The following EYS variants were observed in gnomAD, a reference collection of about 807,000 sequenced individuals.
EYS encodes the protein protein eyes shut homolog.
A neutral mutation model predicts 282.1 loss-of-function variants in EYS; 250 were observed. The ratio of observed to expected loss-of-function variants is 0.89; its 90% CI spans 0.80 to 0.98. The LOEUF (loss-of-function observed/expected upper bound fraction) is 0.98. Among genes scored for constraint, EYS ranks in the 50% least tolerant of loss-of-function variants. The probability of loss-of-function intolerance (pLI) is 0.00; values close to 1 mark genes in which losing one functional copy is unlikely to be tolerated. For missense variants in EYS, 4,016 were observed against 3,709.0 expected (o/e 1.08, Z -2.15); for synonymous variants, 1,355 against 1,282.9 (o/e 1.06, Z -1.20).
chr6:64,521,678 T>C (rs1428414303), intron 26 of EYS, among the ~76,000 whole-genome samples: 2 of 151,782 alleles, frequency 1.3e-5, no homozygotes, highest in African/African-American at 4.8e-5. Context: ...TGATTCCAAG[T>C]TCCCAACCAA....
At chr6:65,578,436 C>A (rs777503377) in intron 2 of EYS, among the ~76,000 whole-genome samples, 2 of 151,564 alleles carry the variant, frequency 1.3e-5, no homozygotes, top group Non-Finnish European at 2.9e-5. Context: ...ATTGTTGTTA[C>A]GAGAGGCTTT....
intron 30 of EYS, among the ~76,000 whole-genome samples, chr6:64,239,271 T>C (rs1239670356): frequency 6.6e-6 from 1 of 152,230 alleles, no homozygotes; most frequent in East Asian, 1.9e-4. Flanking sequence ...ATATACCCAG[T>C]AATGGGATTG....
At chr6:64,533,332 A>G (rs940218347) in intron 26 of EYS, among the ~76,000 whole-genome samples, 1 of 152,198 alleles carries the variant, frequency 6.6e-6, no homozygotes, top group Non-Finnish European at 1.5e-5. Context: ...ATTGATGAAA[A>G]GCATAAATCT....
intron 36 of EYS, among the ~76,000 whole-genome samples, chr6:63,829,750 G>A (rs1285434656): frequency 6.6e-6 from 1 of 152,216 alleles, no homozygotes; most frequent in Non-Finnish European, 1.5e-5. Context: ...ATCTGAGAAT[G>A]GACAGACTGC....
chr6:63,835,069 G>T (rs1439599754), intron 36 of EYS, among the ~76,000 whole-genome samples: 1 of 87,806 alleles, frequency 1.1e-5, no homozygotes, highest in East Asian at 4.2e-4. Flanking sequence ...GGGGGAGGGG[G>T]GAGGGTTAGC....
intron 28 of EYS, among the ~76,000 whole-genome samples, chr6:64,422,140 G>A (rs982736431): frequency 6.6e-6 from 1 of 151,752 alleles, no homozygotes; most frequent in Non-Finnish European, 1.5e-5. Context: ...TCGATAGATT[G>A]ATAGACAGAT....
intron 18 of EYS, among the ~76,000 whole-genome samples, chr6:64,899,133 C>G (rs1414096344): frequency 6.6e-6 from 1 of 152,092 alleles, no homozygotes; most frequent in African/African-American, 2.4e-5. Context: ...GAACTCTCGA[C>G]CCCAAATCAA....
intron 26 of EYS, among the ~76,000 whole-genome samples, chr6:64,489,700 A>G (rs1053665880): frequency 1.3e-5 from 2 of 150,418 alleles, no homozygotes; most frequent in African/African-American, 4.9e-5. Flanking sequence ...CTGATAGAAT[A>G]TTGACATTAG....
At chr6:65,064,167 T>G (rs927865301) in intron 12 of EYS, among the ~76,000 whole-genome samples, 1 of 143,776 alleles carries the variant, frequency 7.0e-6, no homozygotes, top group East Asian at 2.0e-4. Context: ...ACATATATAA[T>G]ATATATAATA....
chr6:63,909,698 G>A (rs868777214), intron 35 of EYS, among the ~76,000 whole-genome samples: 21 of 152,256 alleles, frequency 1.4e-4, no homozygotes, highest in Middle Eastern at 3.4e-3. Context: ...CTAACACGCC[G>A]CTTCCAGTTC....
chr6:65,067,820 T>C (rs1371205227), intron 12 of EYS, among the ~76,000 whole-genome samples: 3 of 152,162 alleles, frequency 2.0e-5, no homozygotes, highest in African/African-American at 7.2e-5. Flanking sequence ...CTGTTTTTAA[T>C]AATTTTAATA....
At chr6:65,112,208 C>T (rs1451377922) in intron 12 of EYS, among the ~76,000 whole-genome samples, 1 of 151,974 alleles carries the variant, frequency 6.6e-6, no homozygotes, top group Admixed American at 6.6e-5. Context: ...CCCGAGTATG[C>T]AAAATGACAA....
chr6:65,629,048 G>C (rs142784465), intron 2 of EYS, among the ~76,000 whole-genome samples: 96 of 152,288 alleles, frequency 6.3e-4, no homozygotes, highest in African/African-American at 2.2e-3. Context: ...CAGATTCACA[G>C]TAAAGTCAAG....
chr6:64,151,602 C>T (rs1172354546), intron 31 of EYS, among the ~76,000 whole-genome samples: 1 of 151,544 alleles, frequency 6.6e-6, no homozygotes, highest in Non-Finnish European at 1.5e-5. Flanking sequence ...CCTTGTGATC[C>T]ACCCGCCTCA....
chr6:64,829,803 C>T (rs932398806), intron 19 of EYS, among the ~76,000 whole-genome samples: 8 of 151,828 alleles, frequency 5.3e-5, no homozygotes, highest in Admixed American at 1.3e-4. Flanking sequence ...GTGAGTGAAC[C>T]GATGTGCCAT....
chr6:65,586,137 G>A (rs35936441), intron 2 of EYS, among the ~76,000 whole-genome samples: 17,510 of 151,632 alleles, frequency 0.12, 1,214 homozygotes, highest in South Asian at 0.19. Flanking sequence ...TGGGAGAGAG[G>A]GTATCTTGTT....
At chr6:65,314,247 G>A (rs1217374740) in intron 11 of EYS, among the ~76,000 whole-genome samples, 2 of 149,638 alleles carry the variant, frequency 1.3e-5, no homozygotes, top group Non-Finnish European at 3.0e-5. Context: ...CTCCACAATT[G>A]TTAATCCTTG....
intron 34 of EYS, among the ~76,000 whole-genome samples, chr6:63,985,283 T>C (rs1028456759): frequency 2.6e-5 from 4 of 151,570 alleles, no homozygotes; most frequent in African/African-American, 9.7e-5. Flanking sequence ...CTAAGGAACA[T>C]CAAATATTGC....
chr6:64,327,294 G>T (rs1026111266), intron 29 of EYS, among the ~76,000 whole-genome samples: 3 of 152,086 alleles, frequency 2.0e-5, no homozygotes, highest in Non-Finnish European at 4.4e-5. Flanking sequence ...CCAGTCTGGT[G>T]GATCCAAGAG....
Sources: allele counts gnomAD v4.1 joint callset (sites outside exome capture counted in the v4.1 genomes callset), GRCh38; gene constraint gnomAD v4.1.1; transcripts MANE v1.5; gene names NCBI Gene and HGNC (gene_info 2026-07-23, HGNC 2026-07-21).